The following ELMO1 variants were observed in gnomAD, a reference collection of about 807,000 sequenced individuals.
ELMO1 encodes the protein engulfment and cell motility protein 1.
ELMO1 carries 26 observed loss-of-function variants against 98.9 expected under a neutral mutation model. The ratio of observed to expected loss-of-function variants is 0.26; its 90% CI spans 0.19 to 0.36. The LOEUF (loss-of-function observed/expected upper bound fraction) is 0.36, where lower values mean the gene tolerates loss of function less well. Among genes scored for constraint, ELMO1 ranks in the 10% least tolerant of loss-of-function variants. The pLI, the probability that ELMO1 is intolerant of heterozygous loss-of-function variation, is 1.00. For missense variants in ELMO1, 627 were observed against 935.2 expected (o/e 0.67, Z 4.30); for synonymous variants, 346 against 346.0 (o/e 1.00, Z 0.00).
chr7:37,134,632 T>A (rs1465624163), intron 13 of ELMO1, among the ~76,000 whole-genome samples: 1 of 152,106 alleles, frequency 6.6e-6, no homozygotes, highest in Non-Finnish European at 1.5e-5. Flanking sequence ...GCAGTACTAT[T>A]CACAATAGCA....
At chr7:37,157,586 G>T (rs1788878919) in intron 13 of ELMO1, among the ~76,000 whole-genome samples, 1 of 152,056 alleles carries the variant, frequency 6.6e-6, no homozygotes, top group Non-Finnish European at 1.5e-5. Context: ...AAATACCTAG[G>T]AATCCAACTT....
rs201782224 is a variant in ELMO1, at chr7:36,989,957, T to C, written c.1437+23342A>G. Among the ~76,000 whole-genome samples, 16 of 152,336 alleles carry C rather than the reference T, an allele frequency of 1.1e-4. No homozygotes were observed. In the East Asian group the frequency reaches 2.9e-3, roughly 28 times the overall value. On this transcript the variant is annotated intron_variant, in intron 16 of 21. Coordinates refer to ENST00000310758, the MANE Select transcript of ELMO1 (RefSeq NM_014800.11). ...TGCAAGGTAAACAGATAATTTTATA[T>C]TAGCCTTCAATCCTTCTCCCCTTCA...
intron 4 of ELMO1, among the ~76,000 whole-genome samples, chr7:37,277,858 T>C (rs1383218493): frequency 2.0e-5 from 3 of 152,226 alleles, no homozygotes; most frequent in Admixed American, 6.5e-5. Context: ...GGCATAACTT[T>C]ATTCTTCCAG....
At chr7:36,866,030 A>G (rs1803008563) in intron 20 of ELMO1, among the ~76,000 whole-genome samples, 1 of 152,230 alleles carries the variant, frequency 6.6e-6, no homozygotes. Context: ...AATTCTGGCA[A>G]ATGGGAAGAT....
intron 1 of ELMO1, among the ~76,000 whole-genome samples, chr7:37,369,356 GA>G (rs1802023512): frequency 6.6e-6 from 1 of 152,182 alleles, no homozygotes; most frequent in South Asian, 2.1e-4. Flanking sequence ...TCTGAAATCT[GA>G]AATGCTTCCA....
intron 1 of ELMO1, among the ~76,000 whole-genome samples, chr7:37,388,806 A>G (rs1433738563): frequency 6.6e-6 from 1 of 152,190 alleles, no homozygotes; most frequent in Non-Finnish European, 1.5e-5. Flanking sequence ...CTGTCTCTAA[A>G]AAAGTTTTTA....
chr7:37,163,458 G>A (rs924220156), intron 13 of ELMO1, among the ~76,000 whole-genome samples: 1 of 151,878 alleles, frequency 6.6e-6, no homozygotes, highest in Non-Finnish European at 1.5e-5. Flanking sequence ...TCGTCATCTA[G>A]CATTAGGTAT....
At chr7:37,382,938 G>A (rs1042206134) in intron 1 of ELMO1, among the ~76,000 whole-genome samples, 1 of 152,196 alleles carries the variant, frequency 6.6e-6, no homozygotes, top group South Asian at 2.1e-4. Context: ...GGAGGGTAGA[G>A]ACAACAGAAT....
intron 16 of ELMO1, chr7:36,986,231 C>A (rs1695407037): frequency 1.0e-6 from 1 of 985,446 alleles, no homozygotes; most frequent in South Asian, 4.7e-5. Context: ...AATCAAAGGG[C>A]GCCTCCATTT....
chr7:37,317,385 G>T (rs183332199), intron 2 of ELMO1, among the ~76,000 whole-genome samples: 27 of 152,302 alleles, frequency 1.8e-4, no homozygotes, highest in African/African-American at 6.5e-4. Flanking sequence ...GGTGTTTGTT[G>T]CAGCACTATT....
intron 4 of ELMO1, among the ~76,000 whole-genome samples, chr7:37,290,030 G>A (rs911525054): frequency 2.6e-5 from 4 of 152,198 alleles, no homozygotes; most frequent in African/African-American, 9.7e-5. Flanking sequence ...TGAGCAATTG[G>A]GAAAGCCACG....
intron 15 of ELMO1, among the ~76,000 whole-genome samples, chr7:37,027,572 T>G (rs1794650870): frequency 6.6e-6 from 1 of 152,310 alleles, no homozygotes; most frequent in East Asian, 1.9e-4. Flanking sequence ...TTCGAAAGGA[T>G]AGAGATGTAT....
At chr7:36,930,837 G>A (rs769273974) in intron 16 of ELMO1, among the ~76,000 whole-genome samples, 10 of 152,168 alleles carry the variant, frequency 6.6e-5, no homozygotes, top group Middle Eastern at 3.2e-3. Context: ...GGGTGAGAAA[G>A]ACATGCTTCC....
intron 16 of ELMO1, among the ~76,000 whole-genome samples, chr7:36,909,640 A>C (rs1328099253): frequency 6.6e-6 from 1 of 152,238 alleles, no homozygotes; most frequent in East Asian, 1.9e-4. Context: ...AGACTGATTA[A>C]ATGCTGAAAA....
intron 4 of ELMO1, among the ~76,000 whole-genome samples, chr7:37,291,097 C>A (rs1797658462): frequency 6.6e-6 from 1 of 152,052 alleles, no homozygotes; most frequent in Non-Finnish European, 1.5e-5. Context: ...AGTGACAATG[C>A]AAGTCATGGA....
rs577009451 is a variant in ELMO1, at chr7:37,154,260, C to A, written c.1087-21026G>T. Among the ~76,000 whole-genome samples the A allele has an allele frequency of 5.3e-5, 8 of 152,304 alleles. No homozygotes were observed. The East Asian group carries it at 1.5e-3, about 29-fold the overall frequency. On this transcript the variant is annotated intron_variant, in intron 13 of 21. Transcript: ENST00000310758. Reference sequence around the variant, plus strand: ...CAAAAACCAGAGCACCTCTTCTCCTCCAAAGGATCGCAGCTCCTCTCCAGC... The same window carrying A: ...CAAAAACCAGAGCACCTCTTCTCCTACAAAGGATCGCAGCTCCTCTCCAGC...
chr7:36,973,594 A>T (rs1291990935), intron 16 of ELMO1, among the ~76,000 whole-genome samples: 2 of 151,662 alleles, frequency 1.3e-5, no homozygotes, highest in African/African-American at 4.8e-5. Context: ...CAGTCCTCAC[A>T]GCCCTCGCTC....
At chr7:37,205,079 G>T (rs768945917) in intron 13 of ELMO1, among the ~76,000 whole-genome samples, 1 of 152,122 alleles carries the variant, frequency 6.6e-6, no homozygotes, top group African/African-American at 2.4e-5. Context: ...AAGCCCAGCC[G>T]GCTTCACCTC....
intron 1 of ELMO1, among the ~76,000 whole-genome samples, chr7:37,447,184 G>A (rs910085528): frequency 3.3e-5 from 5 of 152,144 alleles, no homozygotes; most frequent in African/African-American, 1.2e-4. Context: ...AAAGTTGCTC[G>A]CAGGGTTTTG....
Sources: gnomAD v4.1 joint callset for allele counts (sites outside exome capture counted in the v4.1 genomes callset) on GRCh38, gnomAD v4.1.1 for gene constraint, MANE v1.5 for transcripts, NCBI Gene and HGNC (gene_info 2026-07-23, HGNC 2026-07-21) for gene names.